ANKS1B: variants seen among roughly 807,000 people sequenced by gnomAD.
The protein encoded by ANKS1B is ankyrin repeat and sterile alpha motif domain-containing protein 1B.
ANKS1B carries 36 observed loss-of-function variants against 148.3 expected under a neutral mutation model. That is an observed-to-expected ratio of 0.24 (90% CI 0.19 to 0.32). The LOEUF (loss-of-function observed/expected upper bound fraction) is 0.32. Among genes scored for constraint, ANKS1B ranks in the 10% least tolerant of loss-of-function variants. The pLI is 1.00. For synonymous variants in ANKS1B, 542 were observed against 560.8 expected (o/e 0.97, Z 0.47); for missense variants, 1,157 against 1,542.6 (o/e 0.75, Z 4.19).
chr12:99,816,695 A>T (rs1051450234), intron 2 of ANKS1B, among the ~76,000 whole-genome samples: 19 of 151,738 alleles, frequency 1.3e-4, no homozygotes, highest in Non-Finnish European at 1.0e-4. Flanking sequence ...AGTATCTGTC[A>T]GTTTTACTAA....
At chr12:99,818,922 A>G (rs2082186231) in intron 2 of ANKS1B, among the ~76,000 whole-genome samples, 1 of 151,860 alleles carries the variant, frequency 6.6e-6, no homozygotes, top group African/African-American at 2.4e-5. Context: ...GCAAAATTAA[A>G]TAAATTGGGA....
intron 9 of ANKS1B, among the ~76,000 whole-genome samples, chr12:99,521,510 G>T (rs923476985): frequency 6.6e-6 from 1 of 152,114 alleles, no homozygotes; most frequent in African/African-American, 2.4e-5. Flanking sequence ...CGCAGTACAG[G>T]CTTGTTTGTG....
rs7309816 is a variant in ANKS1B, at chr12:99,403,194, T to A, written c.1576-3383A>T. Among the ~76,000 whole-genome samples, 781 of 115,266 alleles carry A rather than the reference T, an allele frequency of 6.8e-3. 62 individuals are homozygous for A. The highest frequency in any genetic ancestry group is 0.027 in the African/African-American group (753 of 27,594). The allele number at this position is 115,266 out of a possible 152,430, so 75.6% of individuals were successfully genotyped here. On this transcript the variant is annotated intron_variant, in intron 11 of 26. Transcript: ENST00000683438. ...TTTTTTTTTTGAGACGGAGTCTCTA[T>A]CACCCAGGCTGGAGTGCAGTGGCAT...
intron 25 of ANKS1B, among the ~76,000 whole-genome samples, chr12:98,767,946 T>G (rs1246515275): frequency 6.6e-6 from 1 of 152,218 alleles, no homozygotes; most frequent in African/African-American, 2.4e-5. Flanking sequence ...TGTAGAATTC[T>G]CTCCACTCAT....
chr12:99,803,571 T>C (rs1336287784), intron 4 of ANKS1B, among the ~76,000 whole-genome samples: 1 of 152,174 alleles, frequency 6.6e-6, no homozygotes, highest in African/African-American at 2.4e-5. Flanking sequence ...GCCTTTCTTC[T>C]GATATGTGAA....
chr12:99,911,163 A>G (rs1010774306), intron 1 of ANKS1B, among the ~76,000 whole-genome samples: 3 of 152,156 alleles, frequency 2.0e-5, no homozygotes, highest in African/African-American at 7.2e-5. Flanking sequence ...AATGATTTAA[A>G]CTCCGGTCAC....
At chr12:99,347,861 G>C (rs1488713792) in intron 12 of ANKS1B, among the ~76,000 whole-genome samples, 1 of 151,896 alleles carries the variant, frequency 6.6e-6, no homozygotes, top group Non-Finnish European at 1.5e-5. Context: ...AATGTGAACT[G>C]TCCCTGAGGA....
chr12:99,309,261 A>T (rs965207508), intron 12 of ANKS1B, among the ~76,000 whole-genome samples: 1 of 152,020 alleles, frequency 6.6e-6, no homozygotes, highest in African/African-American at 2.4e-5. Flanking sequence ...CAATTTAAAA[A>T]TTTATCTTCC....
At chr12:99,688,210 G>A (rs1329174176) in intron 8 of ANKS1B, among the ~76,000 whole-genome samples, 1 of 152,180 alleles carries the variant, frequency 6.6e-6, no homozygotes, top group Admixed American at 6.5e-5. Flanking sequence ...GCCTCACTGT[G>A]TGCAGTTCCC....
rs2093746711 is a variant in ANKS1B at position 99,383,854 on chromosome 12, A to T, written c.1756+15777T>A. Among the ~76,000 whole-genome samples, 3 of 148,660 alleles carry T rather than the reference A, an allele frequency of 2.0e-5. No homozygotes were observed. The South Asian group carries it at 6.3e-4, about 31-fold the overall frequency. ...GTGGTGAAACCCCATCTCTACAAAA[A>T]AAAAAAAAAAAAAGAAAAGAAAAGA... is the stretch of plus-strand genomic sequence containing the variant. On this transcript the variant is annotated intron_variant, in intron 12 of 26. Coordinates refer to ENST00000683438, the MANE Select transcript of ANKS1B (RefSeq NM_001352186.2).
chr12:99,219,152 C>T (rs775899827), intron 14 of ANKS1B, among the ~76,000 whole-genome samples: 1 of 152,082 alleles, frequency 6.6e-6, no homozygotes, highest in African/African-American at 2.4e-5. Flanking sequence ...GTTAATGTTC[C>T]GCCCAGCTTG....
At chr12:99,885,689 G>A (rs2092789857) in intron 1 of ANKS1B, among the ~76,000 whole-genome samples, 1 of 151,964 alleles carries the variant, frequency 6.6e-6, no homozygotes, top group South Asian at 2.1e-4. Context: ...AAGTTTTAGT[G>A]TACCTGCCAC....
At chr12:99,322,192 A>T (rs192583708) in intron 12 of ANKS1B, among the ~76,000 whole-genome samples, 1 of 152,270 alleles carries the variant, frequency 6.6e-6, no homozygotes, top group Admixed American at 6.5e-5. Flanking sequence ...AAATGAGACT[A>T]TGTCCTTAGC....
chr12:98,886,474 T>A (rs1362177211), intron 17 of ANKS1B, among the ~76,000 whole-genome samples: 1 of 152,320 alleles, frequency 6.6e-6, no homozygotes. Flanking sequence ...CATCAAATGA[T>A]AAACTAATAG....
chr12:99,419,722 C>T (rs1341025121), intron 11 of ANKS1B, among the ~76,000 whole-genome samples: 2 of 152,090 alleles, frequency 1.3e-5, no homozygotes, highest in Non-Finnish European at 2.9e-5. Context: ...AGGCTAGAGT[C>T]CAGTGGTAAA....
chr12:99,117,769 A>G (rs1214627785), intron 15 of ANKS1B, among the ~76,000 whole-genome samples: 2 of 152,204 alleles, frequency 1.3e-5, no homozygotes, highest in Non-Finnish European at 2.9e-5. Context: ...TTCAGAAGGA[A>G]TGGTACCAGC....
chr12:99,686,036 T>G (rs2098647819), intron 8 of ANKS1B, among the ~76,000 whole-genome samples: 1 of 152,056 alleles, frequency 6.6e-6, no homozygotes, highest in Admixed American at 6.6e-5. Context: ...TGTACACTGT[T>G]TGGATGATAG....
intron 22 of ANKS1B, among the ~76,000 whole-genome samples, chr12:98,784,606 G>C (rs375033568): frequency 9.2e-5 from 14 of 152,280 alleles, no homozygotes; most frequent in African/African-American, 2.9e-4. Context: ...CAGCTGGAGA[G>C]GAGAACACAG....
intron 15 of ANKS1B, among the ~76,000 whole-genome samples, chr12:99,104,183 G>A (rs1420437277): frequency 6.6e-6 from 1 of 152,300 alleles, no homozygotes; most frequent in African/African-American, 2.4e-5. Context: ...GGGGGCTTTT[G>A]CAATAGTGTA....
Sources: allele counts gnomAD v4.1 joint callset (sites outside exome capture counted in the v4.1 genomes callset), GRCh38; gene constraint gnomAD v4.1.1; transcripts MANE v1.5; gene names NCBI Gene and HGNC (gene_info 2026-07-23, HGNC 2026-07-21).